The following TAFA1 variants were observed in gnomAD, a reference collection of about 807,000 sequenced individuals.
The protein encoded by TAFA1 is TAFA chemokine like family member 1, also known as chemokine-like protein TAFA-1.
TAFA1 carries 4 observed loss-of-function variants against 18.5 expected under a neutral mutation model. The ratio of observed to expected loss-of-function variants is 0.22; its 90% CI spans 0.11 to 0.49. The LOEUF (loss-of-function observed/expected upper bound fraction) is 0.49. TAFA1 is among the 20% of genes least tolerant of loss of function. The pLI, the probability that TAFA1 is intolerant of heterozygous loss-of-function variation, is 0.98. For synonymous variants in TAFA1, 56 were observed against 55.2 expected, an observed-to-expected ratio of 1.01 and a Z score of -0.06; for missense variants, 147 against 169.0, an observed-to-expected ratio of 0.87 and a Z score of 0.72.
At chr3:68,111,033 T>C (rs1418978726) in intron 2 of TAFA1, among the ~76,000 whole-genome samples, 2 of 152,216 alleles carry the variant, frequency 1.3e-5, no homozygotes, top group Non-Finnish European at 2.9e-5. Context: ...CTAGAATTAA[T>C]GTGATCCTGA....
chr3:68,442,842 C>T (rs972528406), intron 3 of TAFA1, among the ~76,000 whole-genome samples: 1 of 152,120 alleles, frequency 6.6e-6, no homozygotes, highest in Admixed American at 6.6e-5. Context: ...TGTTTCTCTC[C>T]ATCAGATAGC....
At chr3:68,315,426 C>T (rs768810302) in intron 2 of TAFA1, among the ~76,000 whole-genome samples, 2 of 152,040 alleles carry the variant, frequency 1.3e-5, no homozygotes, top group Admixed American at 6.6e-5. Context: ...TGCTGGGGCG[C>T]GGAAATAGTT....
intron 2 of TAFA1, among the ~76,000 whole-genome samples, chr3:68,267,615 T>C (rs12495337): frequency 0.084 from 12,736 of 152,248 alleles, 674 homozygotes; most frequent in Middle Eastern, 0.12. Flanking sequence ...ACTGATTATG[T>C]TGATATTTCT....
At chr3:68,254,159 G>A (rs34675296) in intron 2 of TAFA1, among the ~76,000 whole-genome samples, 35,803 of 119,138 alleles carry the variant, frequency 0.3, 4,808 homozygotes, top group East Asian at 0.5. Flanking sequence ...CTATCTATCT[G>A]TCTATCTATC....
At chr3:68,396,665 A>G (rs959128507) in intron 2 of TAFA1, among the ~76,000 whole-genome samples, 2 of 152,192 alleles carry the variant, frequency 1.3e-5, no homozygotes, top group East Asian at 1.9e-4. Flanking sequence ...CAAAACTGCC[A>G]TAGACATTTC....
At chr3:67,996,449 A>G in the TAFA1 span, among the ~76,000 whole-genome samples, 1 of 152,182 alleles carries the variant, frequency 6.6e-6, no homozygotes, top group African/African-American at 2.4e-5. Flanking sequence ...AAAATAGTAA[A>G]ATGGAAAAAT....
chr3:68,169,330 A>G (rs546529940), intron 2 of TAFA1, among the ~76,000 whole-genome samples: 1 of 152,340 alleles, frequency 6.6e-6, no homozygotes, highest in Admixed American at 6.5e-5. Flanking sequence ...CCCTTGAATA[A>G]AAGCTAGTGC....
intron 2 of TAFA1, among the ~76,000 whole-genome samples, chr3:68,135,805 C>T (rs1464851739): frequency 6.6e-6 from 1 of 152,068 alleles, no homozygotes; most frequent in African/African-American, 2.4e-5. Flanking sequence ...CAAAATTTCC[C>T]TTTTTCTTTT....
the TAFA1 span, among the ~76,000 whole-genome samples, chr3:67,992,509 C>T: frequency 2.6e-5 from 4 of 152,054 alleles, no homozygotes; most frequent in African/African-American, 9.7e-5. Flanking sequence ...ACATTTCTTG[C>T]CCTTCACTAA....
intron 2 of TAFA1, among the ~76,000 whole-genome samples, chr3:68,326,427 T>A (rs1269419188): frequency 6.6e-6 from 1 of 152,188 alleles, no homozygotes; most frequent in African/African-American, 2.4e-5. Flanking sequence ...ATTGCTGGGT[T>A]CACTGGTCAT....
chr3:67,998,453 G>C, the TAFA1 span, among the ~76,000 whole-genome samples: 1 of 152,092 alleles, frequency 6.6e-6, no homozygotes, highest in Non-Finnish European at 1.5e-5. Flanking sequence ...CTGAGTTAGG[G>C]ATGTGGCATG....
At chr3:68,514,642 C>T (rs2072895252) in intron 3 of TAFA1, among the ~76,000 whole-genome samples, 1 of 151,172 alleles carries the variant, frequency 6.6e-6, no homozygotes, top group South Asian at 2.1e-4. Flanking sequence ...CCATCTCAAA[C>T]AAGCTGTGCC....
chr3:68,169,960 A>G (rs186264116), intron 2 of TAFA1, among the ~76,000 whole-genome samples: 59 of 152,336 alleles, frequency 3.9e-4, no homozygotes, highest in Non-Finnish European at 7.6e-4. Context: ...GAATGATAGA[A>G]TAAGTACTCC....
intron 3 of TAFA1, among the ~76,000 whole-genome samples, chr3:68,471,356 C>T (rs1006424623): frequency 2.0e-5 from 3 of 152,156 alleles, no homozygotes; most frequent in Non-Finnish European, 2.9e-5. Context: ...GCAAACCATC[C>T]TTCAGACCCC....
At chr3:68,168,382 AT>A (rs2066011265) in intron 2 of TAFA1, among the ~76,000 whole-genome samples, 1 of 152,224 alleles carries the variant, frequency 6.6e-6, no homozygotes, top group South Asian at 2.1e-4. Flanking sequence ...CAGAATGTGT[AT>A]TTAGTAACCA....
At chr3:68,084,467 G>T (rs1575608196) in intron 2 of TAFA1, among the ~76,000 whole-genome samples, 1 of 152,050 alleles carries the variant, frequency 6.6e-6, no homozygotes, top group African/African-American at 2.4e-5. Context: ...CCAAAATTCG[G>T]GTTTCACCTC....
chr3:68,488,381 A>G (rs1482617544), intron 3 of TAFA1, among the ~76,000 whole-genome samples: 1 of 152,206 alleles, frequency 6.6e-6, no homozygotes, highest in Non-Finnish European at 1.5e-5. Flanking sequence ...GCCCACTCAG[A>G]TTGAGGGTGG....
chr3:68,372,417 GT>G, intron 2 of TAFA1, among the ~76,000 whole-genome samples: 1 of 152,282 alleles, frequency 6.6e-6, no homozygotes. Flanking sequence ...AGAATAATCA[GT>G]CCCAGAAACT....
chr3:68,207,846 A>G (rs1160086941), intron 2 of TAFA1, among the ~76,000 whole-genome samples: 4 of 151,920 alleles, frequency 2.6e-5, no homozygotes, highest in African/African-American at 9.7e-5. Flanking sequence ...TGAAAGAGAA[A>G]ATTGAGGATG....
Sources: gnomAD v4.1 joint callset for allele counts (sites outside exome capture counted in the v4.1 genomes callset) on GRCh38, gnomAD v4.1.1 for gene constraint, MANE v1.5 for transcripts, NCBI Gene and HGNC (gene_info 2026-07-23, HGNC 2026-07-21) for gene names.